The following PPEF1 variants were observed in gnomAD, a reference collection of about 807,000 sequenced individuals.
PPEF1 encodes protein phosphatase with EF-hand domain 1.
A neutral mutation model predicts 53.3 loss-of-function variants in PPEF1; 12 were observed. That is an observed-to-expected ratio of 0.23 (90% confidence interval 0.14 to 0.36). PPEF1 has a LOEUF of 0.36. Ranked by LOEUF, PPEF1 falls within the 10% of genes least tolerant of loss-of-function variation. The probability of loss-of-function intolerance (pLI) is 1.00; values close to 1 mark genes in which losing one functional copy is unlikely to be tolerated. For synonymous variants in PPEF1, 165 were observed against 176.7 expected, an observed-to-expected ratio of 0.93 and a Z score of 0.52; for missense variants, 334 against 490.4, an observed-to-expected ratio of 0.68 and a Z score of 3.01.
chrX:18,714,416 C>T (rs976362960), intron 1 of PPEF1, among the ~76,000 whole-genome samples: 9 of 110,241 alleles, frequency 8.2e-5, no homozygotes, highest in African/African-American at 2.0e-4. Flanking sequence ...GGATTACAGG[C>T]GCCCACCACT....
Position 18,803,821 on chromosome X carries a change from A to C in PPEF1, c.1066-71A>C. 3.1e-6 allele frequency: 3 copies of C among 978,478 alleles called. No homozygotes were observed. In the East Asian group the frequency reaches 9.8e-5, roughly 32 times the overall value. 80.6% of individuals were successfully genotyped at this position (978,478 alleles called of 1,213,427 possible). On this transcript the variant is annotated intron_variant, in intron 10 of 15. Transcript: ENST00000470157. Reference sequence around the variant, plus strand: ...GATACCTTGGGTTAATATTTCTGACAAATAAGTTGGAATCTAGAAAGATAT... The same window carrying C: ...GATACCTTGGGTTAATATTTCTGACCAATAAGTTGGAATCTAGAAAGATAT...
chrX:18,752,430 C>A (rs747473276), intron 4 of PPEF1, among the ~76,000 whole-genome samples: 3 of 110,629 alleles, frequency 2.7e-5, no homozygotes, highest in African/African-American at 9.8e-5. Flanking sequence ...TATACCAGAT[C>A]ATGGTATCTG....
intron 3 of PPEF1, among the ~76,000 whole-genome samples, chrX:18,748,440 A>G (rs2045372753): frequency 8.9e-6 from 1 of 112,644 alleles, no homozygotes. Flanking sequence ...CTTCTGAAGA[A>G]TGGCCTTTGT....
chrX:18,822,354 A>C (rs1211520229), intron 13 of PPEF1, among the ~76,000 whole-genome samples: 1 of 84,816 alleles, frequency 1.2e-5, no homozygotes, highest in Non-Finnish European at 2.3e-5. Context: ...CAAAATGTGC[A>C]AAAAAAAAAA....
intron 1 of PPEF1, among the ~76,000 whole-genome samples, chrX:18,677,240 T>A (rs1163366152): frequency 9.0e-6 from 1 of 111,090 alleles, no homozygotes; most frequent in African/African-American, 3.3e-5. Flanking sequence ...GGTTTCACCA[T>A]GTTGGCCAGG....
intron 1 of PPEF1, among the ~76,000 whole-genome samples, chrX:18,708,683 G>A (rs1018311597): frequency 3.6e-5 from 4 of 111,646 alleles, no homozygotes; most frequent in Non-Finnish European, 7.5e-5. Flanking sequence ...ACTAATTAGC[G>A]TGGGATGTTT....
chrX:18,787,429 T>C (rs1364242588), intron 9 of PPEF1, among the ~76,000 whole-genome samples: 1 of 111,084 alleles, frequency 9.0e-6, no homozygotes, highest in East Asian at 2.8e-4. Flanking sequence ...AAAACTAAGA[T>C]TCTGGTTTAT....
At chrX:18,798,072 A>G (rs1228354402) in intron 10 of PPEF1, among the ~76,000 whole-genome samples, 2 of 109,794 alleles carry the variant, frequency 1.8e-5, no homozygotes, top group African/African-American at 6.8e-5. Flanking sequence ...TGGGGACAAA[A>G]TTGCAATTTT....
Position 18,730,317 on chromosome X carries a change from T to C in PPEF1, c.174+9T>C, listed in dbSNP as rs1701246372. 8.3e-7 allele frequency: 1 copy of C among 1,198,638 alleles called. No individual in the cohort carries two copies. The highest frequency in any genetic ancestry group is 2.3e-5 in the Admixed American group (1 of 44,031). On this transcript the variant is annotated intron_variant, in intron 2 of 15. Transcript: ENST00000470157. ...AACAAGGCCAAATGCAGGTCTGTTT[T>C]GCAAGCTTTTCTCTTCTTTTGATAA...
chrX:18,729,906 T>C (rs924049699), intron 1 of PPEF1, among the ~76,000 whole-genome samples: 4 of 112,312 alleles, frequency 3.6e-5, no homozygotes, highest in South Asian at 3.7e-4. Flanking sequence ...CAAAGTAACA[T>C]AGACGGTAAT....
At chrX:18,689,835 A>C (rs1362958640) in intron 3 of PPEF1, among the ~76,000 whole-genome samples, 1 of 110,989 alleles carries the variant, frequency 9.0e-6, no homozygotes, top group African/African-American at 3.3e-5. Flanking sequence ...TGAATCCTGG[A>C]TTCTCCTTTG....
chrX:18,697,940 TGAGGCAGTA>T (rs1340282263), intron 5 of PPEF1: 9 of 111,443 alleles, frequency 8.1e-5, no homozygotes, highest in Non-Finnish European at 1.7e-4. Context: ...AGGTGCTGAC[TGAGGCAGTA>T]GAGTGTAATG....
intron 4 of PPEF1, among the ~76,000 whole-genome samples, chrX:18,755,906 T>C (rs1364080205): frequency 3.6e-5 from 4 of 111,351 alleles, no homozygotes; most frequent in Admixed American, 1.9e-4. Flanking sequence ...CTGAGTAATG[T>C]TACTTTGTAT....
intron 1 of PPEF1, among the ~76,000 whole-genome samples, chrX:18,708,916 T>G (rs1023981057): frequency 4.5e-5 from 5 of 110,938 alleles, no homozygotes; most frequent in African/African-American, 1.6e-4. Flanking sequence ...ATATCTAGGA[T>G]TACTCACAGT....
At chrX:18,825,945 C>T (rs1275178817) in intron 15 of PPEF1, 110 bp downstream of exon 15, 1 of 490,452 alleles carries the variant, frequency 2.0e-6, no homozygotes, top group African/African-American at 2.5e-5. Context: ...TATGGTTTGA[C>T]ACCTTCATTG....
At chrX:18,755,270 T>C (rs2147482744) in intron 4 of PPEF1, among the ~76,000 whole-genome samples, 1 of 112,042 alleles carries the variant, frequency 8.9e-6, no homozygotes, top group African/African-American at 3.2e-5. Context: ...ATTTAAATCA[T>C]TTTAAAGTGT....
chrX:18,679,168 G>A (rs1462011909), upstream of PPEF1, among the ~76,000 whole-genome samples: 1 of 112,110 alleles, frequency 8.9e-6, no homozygotes, highest in Non-Finnish European at 1.9e-5. Context: ...CCACCTCCTG[G>A]GTTCAAACAA....
At chrX:18,772,773 C>T (rs1246581107) in intron 6 of PPEF1, among the ~76,000 whole-genome samples, 2 of 112,397 alleles carry the variant, frequency 1.8e-5, no homozygotes, top group Non-Finnish European at 3.8e-5. Context: ...AACTATTGGC[C>T]AGGGCTGCAG....
At chrX:18,695,314 G>A (rs1215107181) in intron 4 of PPEF1, among the ~76,000 whole-genome samples, 3 of 112,863 alleles carry the variant, frequency 2.7e-5, no homozygotes, top group Non-Finnish European at 5.6e-5. Context: ...AGATAATAGG[G>A]TCTGCTAGCA....
Sources: allele counts gnomAD v4.1 joint callset (sites outside exome capture counted in the v4.1 genomes callset), GRCh38; gene constraint gnomAD v4.1.1; transcripts MANE v1.5; gene names NCBI Gene and HGNC (gene_info 2026-07-23, HGNC 2026-07-21).